CDH7: variants seen among roughly 807,000 people sequenced by gnomAD.
CDH7 encodes cadherin 7, also known as cadherin-7.
A neutral mutation model predicts 71.8 loss-of-function variants in CDH7; 25 were observed. The ratio of observed to expected loss-of-function variants is 0.35; its 90% CI spans 0.25 to 0.49. The LOEUF is 0.49. CDH7 is among the 20% of genes least tolerant of loss of function. CDH7 has a pLI of 0.99. For missense variants in CDH7, 862 were observed against 974.6 expected, an observed-to-expected ratio of 0.88 and a Z score of 1.54; for synonymous variants, 381 against 363.8, an observed-to-expected ratio of 1.05 and a Z score of -0.54.
chr18:65,804,961 T>G (rs1175645797), intron 2 of CDH7, among the ~76,000 whole-genome samples: 1 of 152,180 alleles, frequency 6.6e-6, no homozygotes, highest in African/African-American at 2.4e-5. Context: ...AGGATGTTTT[T>G]TGTTTTGTTT....
At chr18:65,841,188 C>A (rs1360741138) in intron 6 of CDH7, among the ~76,000 whole-genome samples, 2 of 151,988 alleles carry the variant, frequency 1.3e-5, no homozygotes, top group African/African-American at 4.8e-5. Context: ...TTTTAGGCAA[C>A]CAATCATCAT....
At position 65,852,186 on chromosome 18, in the gene CDH7, GA is replaced by G. The variant is rs376167297; in HGVS notation, c.1236-5629del. 3.0e-3 allele frequency among the ~76,000 whole-genome samples: 462 copies of G among 152,200 alleles called. 8 individuals are homozygous for G. Among genetic ancestry groups the G allele is most frequent in the African/African-American group, 0.011 (441 of 41,524 alleles). On this transcript the variant is annotated intron_variant, in intron 7 of 11. Coordinates refer to ENST00000397968, the MANE Select transcript of CDH7 (RefSeq NM_004361.5). Reference sequence around the variant, plus strand: ...AAAAACAAATAGAAGCTGAATTATAGAGATGTAGGTGGCTGAAACTACAATT... The same window carrying G: ...AAAAACAAATAGAAGCTGAATTATAGGATGTAGGTGGCTGAAACTACAATT...
At chr18:65,766,132 G>T (rs758852179) in intron 2 of CDH7, among the ~76,000 whole-genome samples, 1 of 151,890 alleles carries the variant, frequency 6.6e-6, no homozygotes, top group East Asian at 1.9e-4. Context: ...GTCTATTTTG[G>T]GGGAGCTTAA....
In CDH7 at chr18:65,762,785, T is replaced by C. The variant is rs1916230360; in HGVS notation, c.-58T>C. ...AGAGCTACTAAGCCAACTGGAACTGTGCCTTTTCTCTTGTCAAGGTTTTTT... is the reference window on the plus strand; with the variant it reads ...AGAGCTACTAAGCCAACTGGAACTGCGCCTTTTCTCTTGTCAAGGTTTTTT... On this transcript the variant is annotated 5_prime_UTR_variant, in exon 2 of 12. Coordinates refer to ENST00000397968, the MANE Select transcript of CDH7 (RefSeq NM_004361.5). 1.4e-6 allele frequency: 2 copies of C among 1,469,160 alleles called. No individual in the cohort carries two copies. Among genetic ancestry groups the C allele is most frequent in the Non-Finnish European group, 1.9e-6 (2 of 1,075,838 alleles). 91.0% of individuals were successfully genotyped at this position (1,469,160 alleles called of 1,614,324 possible). A position where few individuals can be genotyped will look rare whatever the true frequency, so the allele number is the denominator to read the frequency against.
chr18:65,782,174 CT>C lies in CDH7; in HGVS notation c.210+19125del, dbSNP rs1396720194. ...TCTTTCTTTCTTTCTTCCTTTCTTTCTTTCTTTCTTTCTTGACAGAGTCTCA... is the reference window on the plus strand; with the variant it reads ...TCTTTCTTTCTTTCTTCCTTTCTTTCTTCTTTCTTTCTTGACAGAGTCTCA... On this transcript the variant is annotated intron_variant, in intron 2 of 11. Transcript: ENST00000397968. Among the ~76,000 whole-genome samples, 33 of 108,278 alleles carry C rather than the reference CT, an allele frequency of 3.0e-4. 5 individuals carry two copies. Among genetic ancestry groups the C allele is most frequent in the Middle Eastern group, 9.7e-3 (2 of 206 alleles). 71.0% of individuals were successfully genotyped at this position (108,278 alleles called of 152,430 possible).
chr18:65,765,295 A>G (rs1916321221), intron 2 of CDH7, among the ~76,000 whole-genome samples: 1 of 151,992 alleles, frequency 6.6e-6, no homozygotes, highest in South Asian at 2.1e-4. Context: ...ATATCCTTGG[A>G]AAAAAATGGC....
At chr18:65,782,519 A>C (rs531285004) in intron 2 of CDH7, among the ~76,000 whole-genome samples, 31 of 151,996 alleles carry the variant, frequency 2.0e-4, no homozygotes, top group African/African-American at 7.0e-4. Context: ...AATAGAGCAA[A>C]ATTTTCTTTT....
chr18:65,820,602 C>T (rs80156085), intron 4 of CDH7, among the ~76,000 whole-genome samples: 2,194 of 152,136 alleles, frequency 0.014, 41 homozygotes, highest in African/African-American at 0.049. Flanking sequence ...TTATTCTTGT[C>T]AAAAATACGT....
intron 2 of CDH7, among the ~76,000 whole-genome samples, chr18:65,783,953 A>T (rs970235097): frequency 1.3e-5 from 2 of 148,344 alleles, no homozygotes; most frequent in African/African-American, 2.6e-5. Flanking sequence ...TTTTTATTTT[A>T]TTTATTTATT....
chr18:65,782,702 T>G (rs538878650), intron 2 of CDH7, among the ~76,000 whole-genome samples: 4 of 152,324 alleles, frequency 2.6e-5, no homozygotes, highest in Non-Finnish European at 5.9e-5. Flanking sequence ...AACTCTTAAC[T>G]GTGCCTTATG....
rs1453946770 is a variant in CDH7, at chr18:65,782,016, C to CTCTT, written c.210+18967_210+18968insTTCT. Among the ~76,000 whole-genome samples the CTCTT allele has an allele frequency of 5.3e-4, 24 of 45,010 alleles. 3 individuals are homozygous for CTCTT. Among genetic ancestry groups the CTCTT allele is most frequent in the Middle Eastern group, 0.019 (1 of 52 alleles). 29.5% of individuals were successfully genotyped at this position (45,010 alleles called of 152,430 possible). On this transcript the variant is annotated intron_variant, in intron 2 of 11. Transcript: ENST00000397968. ...TCTCTTTCTCTCTTTCTCTCTTTCT[C>CTCTT]TCTCTCTTTCTCCCTTCCTTCCTTC...
At position 65,822,237 on chromosome 18, in the gene CDH7, G is replaced by A. The variant is rs751741132; in HGVS notation, c.782G>A (p.Arg261His). 2.7e-5 allele frequency: 43 copies of A among 1,606,756 alleles called. No homozygotes were observed. Among genetic ancestry groups the A allele is most frequent in the South Asian group, 6.6e-5 (6 of 90,578 alleles). Reference sequence around the variant, plus strand: ...ACTGATGTCAACGATAATCCACCTCGCTTTCCTCGAAGTAAGTTGTTTTCT... The same window carrying A: ...ACTGATGTCAACGATAATCCACCTCACTTTCCTCGAAGTAAGTTGTTTTCT... ...TLTDVNDNPP[R>H]FPRRSYQYNV... is the part of the protein sequence containing the mutation. Residue 261 changes from arginine (R) to histidine (H), a missense_variant, in exon 5 of 12, where the codon CGC (arginine) becomes CAC (histidine). Arg to His is a conservative substitution (Grantham distance 29). Coordinates refer to ENST00000397968, the MANE Select transcript of CDH7 (RefSeq NM_004361.5).
chr18:65,762,304 A>G (rs935079331), intron 1 of CDH7, among the ~76,000 whole-genome samples: 2 of 152,222 alleles, frequency 1.3e-5, no homozygotes, highest in Non-Finnish European at 2.9e-5. Context: ...AAAAAAAATA[A>G]AGGCTAACAT....
In CDH7 at chr18:65,859,833, A is replaced by G. The variant is rs759455963; in HGVS notation, c.1612+8A>G. On this transcript the variant is annotated splice_region_variant and intron_variant, in intron 10 of 11. Coordinates refer to ENST00000397968, the MANE Select transcript of CDH7 (RefSeq NM_004361.5). Reference sequence around the variant, plus strand: ...CATTGAAAGATAACAAAGGTAATGTATTAATATTGTTACCGATAGAGGCAG... The same window carrying G: ...CATTGAAAGATAACAAAGGTAATGTGTTAATATTGTTACCGATAGAGGCAG... The G allele has an allele frequency of 2.7e-6, 4 of 1,466,446 alleles. 1 individual carries two copies. The highest frequency in any genetic ancestry group is 1.1e-5 in the South Asian group (1 of 88,032). 90.8% of individuals were successfully genotyped at this position (1,466,446 alleles called of 1,614,324 possible). A position where few individuals can be genotyped will look rare whatever the true frequency, so the allele number is the denominator to read the frequency against.
chr18:65,793,134 A>G (rs1191644512), intron 2 of CDH7, among the ~76,000 whole-genome samples: 4 of 152,044 alleles, frequency 2.6e-5, no homozygotes, highest in Admixed American at 1.3e-4. Context: ...TTTTTTTTCT[A>G]AATAAATCTA....
At chr18:65,830,725 C>CTCTCTCTT (rs1555687111) in intron 6 of CDH7, among the ~76,000 whole-genome samples, 5 of 130,654 alleles carry the variant, frequency 3.8e-5, no homozygotes, top group East Asian at 2.2e-4. Context: ...TTCTCTCTCT[C>CTCTCTCTT]TCTTTCTTTC....
chr18:65,869,617 G>C (rs1249037611), intron 11 of CDH7, among the ~76,000 whole-genome samples: 1 of 124,394 alleles, frequency 8.0e-6, no homozygotes, highest in Non-Finnish European at 1.6e-5. Flanking sequence ...GCTGGATGCT[G>C]TTCCTAAGGA....
At chr18:65,869,680 G>A (rs754139407) in intron 11 of CDH7, among the ~76,000 whole-genome samples, 5 of 146,552 alleles carry the variant, frequency 3.4e-5, no homozygotes, top group Non-Finnish European at 7.4e-5. Context: ...TGGTCGACTT[G>A]TCTGTTTAAT....
intron 6 of CDH7, among the ~76,000 whole-genome samples, chr18:65,842,942 A>T (rs535414906): frequency 4.1e-4 from 63 of 152,184 alleles, no homozygotes; most frequent in African/African-American, 1.5e-3. Context: ...TAAGACTGAA[A>T]TTGAAAGTCA....
Sources: allele counts gnomAD v4.1 joint callset (sites outside exome capture counted in the v4.1 genomes callset), GRCh38; gene constraint gnomAD v4.1.1; transcripts MANE v1.5; gene names NCBI Gene and HGNC (gene_info 2026-07-23, HGNC 2026-07-21).